SHISA7: variants seen among roughly 807,000 people sequenced by gnomAD.
SHISA7 encodes the protein shisa family member 7.
A neutral mutation model predicts 23.9 loss-of-function variants in SHISA7; 6 were observed. The ratio of observed to expected loss-of-function variants is 0.25; its 90% CI spans 0.14 to 0.50. SHISA7 has a LOEUF of 0.50. Ranked by LOEUF, SHISA7 falls within the 20% of genes least tolerant of loss-of-function variation. The pLI is 0.98. For synonymous variants in SHISA7, 386 were observed against 398.3 expected (o/e 0.97, Z 0.37); for missense variants, 671 against 801.1 (o/e 0.84, Z 1.96).
Position 55,430,697 on chromosome 19 carries a change from T to C in SHISA7, c.*2459A>G, listed in dbSNP as rs551980619. The stretch of plus-strand genomic sequence containing the variant: ...CTGGGAGATGATGACACCAGGGTTA[T>C]GGTGGATCCTAGTGGATGGTGACAG... On this transcript the variant is annotated 3_prime_UTR_variant, in exon 4 of 4. Transcript: ENST00000376325. 1.3e-5 allele frequency: 2 copies of C among 151,496 alleles called. No homozygotes were observed. The highest frequency in any genetic ancestry group is 4.2e-4 in the South Asian group (2 of 4,772). The allele number at this position is 151,496 out of a possible 1,614,324, so 9.4% of individuals were successfully genotyped here. A position where few individuals can be genotyped will look rare whatever the true frequency, so the allele number is the denominator to read the frequency against.
chr19:55,433,288 G>A lies in SHISA7; in HGVS notation c.1485C>T (p.Gly495=), dbSNP rs1282573497. The A allele has an allele frequency of 5.8e-5, 88 of 1,504,480 alleles. No individual in the cohort carries two copies. Among genetic ancestry groups the A allele is most frequent in the Non-Finnish European group, 7.3e-5 (83 of 1,134,244 alleles). The allele number at this position is 1,504,480 out of a possible 1,614,324, so 93.2% of individuals were successfully genotyped here. A position where few individuals can be genotyped will look rare whatever the true frequency, so the allele number is the denominator to read the frequency against. The change falls in exon 4 of 4, where the codon GGC becomes GGT. Residue 495 remains glycine, a synonymous_variant. Transcript: ENST00000376325. This position sits in a 1 kb window ranked among gnomAD's most constrained non-coding sequence, Gnocchi z 8.4. ...TGCGGGCCAGTGTGCCCCCGCCCCC[G>A]CCGGCGTCGGACATCCAGGCCGGCT... ...SPQPAWMSDA[G]GGGGTLARRP... is the part of the protein sequence containing the mutation.
rs1036073642 is a variant in SHISA7 at position 55,433,118 on chromosome 19, G to A, written c.*38C>T. 6 of 1,495,694 alleles carry A rather than the reference G, an allele frequency of 4.0e-6. No individual in the cohort carries two copies. Among genetic ancestry groups the A allele is most frequent in the Non-Finnish European group, 3.5e-6 (4 of 1,128,930 alleles). The allele number at this position is 1,495,694 out of a possible 1,614,324, so 92.7% of individuals were successfully genotyped here. On this transcript the variant is annotated 3_prime_UTR_variant, in exon 4 of 4. Transcript: ENST00000376325. The surrounding 1 kb of genome is among the most constrained non-coding windows in gnomAD (Gnocchi z 8.4). ...CGGGGGATCCAGGCTGGGACGGGGG[G>A]CCCGGGAGGCCGCAGCCCCCCAGAC...
Position 55,440,726 on chromosome 19 carries a change from C to G in SHISA7, c.711G>C (p.Gly237=), listed in dbSNP as rs1251316333. Residue 237 remains glycine (G), a synonymous_variant, in exon 2 of 4, where the codon GGG becomes GGC. Coordinates refer to ENST00000376325, the MANE Select transcript of SHISA7 (RefSeq NM_001145176.2). ...TGCTTCGGGCCCGGTCCGGGCGGGT[C>G]CCAGGCCCCGCCTGATGTCTCAGAA... ...VDILRHQAGP[G]TRPDRARSSS... is the part of the protein sequence containing the mutation. 2 of 1,247,398 alleles carry G rather than the reference C, an allele frequency of 1.6e-6. No homozygotes were observed. The highest frequency in any genetic ancestry group is 4.2e-5 in the Admixed American group (1 of 23,712). 77.3% of individuals were successfully genotyped at this position (1,247,398 alleles called of 1,614,324 possible). A position where few individuals can be genotyped will look rare whatever the true frequency, so the allele number is the denominator to read the frequency against.
intron 3 of SHISA7, among the ~76,000 whole-genome samples, chr19:55,435,724 A>C (rs757006123): frequency 2.3e-4 from 34 of 150,522 alleles, no homozygotes; most frequent in Admixed American, 4.0e-4. Flanking sequence ...TGATTACACC[A>C]CTGCACTCCA....
chr19:55,435,155 GT>G (rs1985409513), intron 3 of SHISA7, among the ~76,000 whole-genome samples: 1 of 126,774 alleles, frequency 7.9e-6, no homozygotes, highest in African/African-American at 3.0e-5. Context: ...GTGTGTGTGT[GT>G]GGTGTGTGTG....
At chr19:55,434,888 T>C (rs1162462190) in intron 3 of SHISA7, among the ~76,000 whole-genome samples, 1 of 105,224 alleles carries the variant, frequency 9.5e-6, no homozygotes, top group African/African-American at 3.7e-5. Flanking sequence ...TGTGTGTATA[T>C]GTGGTGTGTG....
rs1465498915 is a variant in SHISA7, at chr19:55,433,881, C to T, written c.977-85G>A. On this transcript the variant is annotated intron_variant, in intron 3 of 3. Coordinates refer to ENST00000376325, the MANE Select transcript of SHISA7 (RefSeq NM_001145176.2). This position sits in a 1 kb window ranked among gnomAD's most constrained non-coding sequence, Gnocchi z 8.4. ...CCTCCCACCTCGTCACATCCCGCTC[C>T]TATGCTCCTTGTGCCCCCACAAGGA... 1.8e-5 allele frequency: 24 copies of T among 1,312,884 alleles called. No homozygotes were observed. In the East Asian group the frequency reaches 7.3e-4, roughly 40 times the overall value. 81.3% of individuals were successfully genotyped at this position (1,312,884 alleles called of 1,614,324 possible).
At chr19:55,441,102 A>G (rs932183298) in intron 1 of SHISA7, among the ~76,000 whole-genome samples, 1 of 151,844 alleles carries the variant, frequency 6.6e-6, no homozygotes, top group Non-Finnish European at 1.5e-5. Context: ...AGGGTGCTCC[A>G]TTTACCCAGT....
At position 55,432,952 on chromosome 19, in the gene SHISA7, A is replaced by T; in HGVS notation, c.*204T>A. 1.6e-6 allele frequency: 1 copy of T among 615,588 alleles called. No homozygotes were observed. The highest frequency in any genetic ancestry group is 2.6e-6 in the Non-Finnish European group (1 of 380,884). 38.1% of individuals were successfully genotyped at this position (615,588 alleles called of 1,614,324 possible). Reference sequence around the variant, plus strand: ...AGCCGGCCTCTTCCTCTGGGATGACATCATGGGAAGGAGGCCTTGGCTCAA... The same window carrying T: ...AGCCGGCCTCTTCCTCTGGGATGACTTCATGGGAAGGAGGCCTTGGCTCAA... On this transcript the variant is annotated 3_prime_UTR_variant, in exon 4 of 4. Coordinates refer to ENST00000376325, the MANE Select transcript of SHISA7 (RefSeq NM_001145176.2). The surrounding 1 kb of genome is among the most constrained non-coding windows in gnomAD (Gnocchi z 4.6).
chr19:55,437,572 CT>C (rs1985494464), intron 3 of SHISA7, 32 bp downstream of exon 3: 1 of 1,545,648 alleles, frequency 6.5e-7, no homozygotes, highest in African/African-American at 1.4e-5. Context: ...GCCCCCTCCC[CT>C]TCACCGCCGC....
chr19:55,439,515 C>T (rs932427255), intron 2 of SHISA7, among the ~76,000 whole-genome samples: 1 of 152,208 alleles, frequency 6.6e-6, no homozygotes, highest in Non-Finnish European at 1.5e-5. Context: ...AGCTCTCCAT[C>T]ACCCTCAGGA....
intron 3 of SHISA7, among the ~76,000 whole-genome samples, chr19:55,435,454 T>A (rs1341075139): frequency 6.7e-6 from 1 of 149,932 alleles, no homozygotes; most frequent in Non-Finnish European, 1.5e-5. Flanking sequence ...TGAGATTTAG[T>A]TTAAAAGAAT....
chr19:55,443,299 G>A lies in SHISA7; in HGVS notation c.-436C>T, dbSNP rs1378029209. Among the ~76,000 whole-genome samples, 6 of 148,760 alleles carry A rather than the reference G, an allele frequency of 4.0e-5. No individual in the cohort carries two copies. In the South Asian group the frequency reaches 1.1e-3, roughly 27 times the overall value. The stretch of plus-strand genomic sequence containing the variant: ...GATGTAAGGAGAAGAAACGGGGGCG[G>A]CGAAGAGGAGAGGGCAGGGGAGGCA... On this transcript the variant is annotated 5_prime_UTR_variant, in exon 1 of 4. Transcript: ENST00000376325.
chr19:55,436,211 C>G (rs895495856), intron 3 of SHISA7, among the ~76,000 whole-genome samples: 7 of 151,336 alleles, frequency 4.6e-5, no homozygotes, highest in Admixed American at 2.6e-4. Flanking sequence ...CGCTTGAGCC[C>G]AGGAGGCAGA....
Position 55,433,792 on chromosome 19 carries a change from C to A in SHISA7, c.981G>T (p.Glu327Asp). The A allele has an allele frequency of 7.1e-7, 1 of 1,408,148 alleles. No homozygotes were observed. The highest frequency in any genetic ancestry group is 9.2e-7 in the Non-Finnish European group (1 of 1,090,386). 87.2% of individuals were successfully genotyped at this position (1,408,148 alleles called of 1,614,324 possible). ...TCAGGTAGGCCTCGTCCAGATCCTT[C>A]TCGGCTGCGGGGAGAGGGGGAAAAG... ...NRYSSLKRLA[E>D]KDLDEAYLKR... The change falls in exon 4 of 4, where the codon GAG becomes GAT. Residue 327 changes from glutamate (E) to aspartate (D), a missense_variant. Transcript: ENST00000376325. The surrounding 1 kb of genome is among the most constrained non-coding windows in gnomAD (Gnocchi z 8.4).
chr19:55,443,147 G>T lies in SHISA7; in HGVS notation c.-284C>A, dbSNP rs888833387. Among the ~76,000 whole-genome samples the T allele has an allele frequency of 1.3e-5, 2 of 151,694 alleles. No homozygotes were observed. Among genetic ancestry groups the T allele is most frequent in the African/African-American group, 4.8e-5 (2 of 41,244 alleles). On this transcript the variant is annotated 5_prime_UTR_variant, in exon 1 of 4. Coordinates refer to ENST00000376325, the MANE Select transcript of SHISA7 (RefSeq NM_001145176.2). ...GAAACGCGCCCGGGCACGGCTGGGG[G>T]AGAGAAATGAGCATGGGCGGACAGA...
At chr19:55,435,709 A>G (rs1379981241) in intron 3 of SHISA7, among the ~76,000 whole-genome samples, 2 of 150,522 alleles carry the variant, frequency 1.3e-5, no homozygotes, top group African/African-American at 4.9e-5. Context: ...GCCTGCAGTG[A>G]GCCATGATTA....
At position 55,433,057 on chromosome 19, in the gene SHISA7, CT is replaced by C; in HGVS notation, c.*98del. The C allele has an allele frequency of 7.3e-7, 1 of 1,369,394 alleles. No homozygotes were observed. Among genetic ancestry groups the C allele is most frequent in the South Asian group, 1.6e-5 (1 of 63,842 alleles). The allele number at this position is 1,369,394 out of a possible 1,614,324, so 84.8% of individuals were successfully genotyped here. On this transcript the variant is annotated 3_prime_UTR_variant, in exon 4 of 4. Coordinates refer to ENST00000376325, the MANE Select transcript of SHISA7 (RefSeq NM_001145176.2). The surrounding 1 kb of genome is among the most constrained non-coding windows in gnomAD (Gnocchi z 8.4). Reference sequence around the variant, plus strand: ...CTTTCACTCCTGTCCAAGGGCCGATCTGGGCCCCAGGCCCCTGGCATGTGTG... The same window carrying C: ...CTTTCACTCCTGTCCAAGGGCCGATCGGGCCCCAGGCCCCTGGCATGTGTG...
Position 55,432,162 on chromosome 19 carries a change from A to T in SHISA7, c.*994T>A, listed in dbSNP as rs1458410102. On this transcript the variant is annotated 3_prime_UTR_variant, in exon 4 of 4. Coordinates refer to ENST00000376325, the MANE Select transcript of SHISA7 (RefSeq NM_001145176.2). This position sits in a 1 kb window ranked among gnomAD's most constrained non-coding sequence, Gnocchi z 4.6. ...AGGCCCTCCACATGGGCGGCTCCCC[A>T]GCGATGCTTCCTTCAGACAACATCT... 1 of 152,764 alleles carries T rather than the reference A, an allele frequency of 6.5e-6. No homozygotes were observed. Among genetic ancestry groups the T allele is most frequent in the Non-Finnish European group, 1.5e-5 (1 of 68,168 alleles). The allele number at this position is 152,764 out of a possible 1,614,324, so 9.5% of individuals were successfully genotyped here. A position where few individuals can be genotyped will look rare whatever the true frequency, so the allele number is the denominator to read the frequency against.
Sources: allele counts gnomAD v4.1 joint callset (sites outside exome capture counted in the v4.1 genomes callset), GRCh38; gene constraint gnomAD v4.1.1; non-coding constraint Gnocchi (gnomAD v3.1); transcripts MANE v1.5; gene names NCBI Gene and HGNC (gene_info 2026-07-23, HGNC 2026-07-21).